TEX11: variants seen among roughly 807,000 people sequenced by gnomAD.
TEX11 encodes the protein testis-expressed protein 11.
TEX11 carries 7 observed loss-of-function variants against 84.4 expected under a neutral mutation model. That is an observed-to-expected ratio of 0.08 (90% CI 0.05 to 0.16). TEX11 has a LOEUF of 0.16. Among genes scored for constraint, TEX11 ranks in the 10% least tolerant of loss-of-function variants. The probability of loss-of-function intolerance (pLI) is 1.00; values close to 1 mark genes in which losing one functional copy is unlikely to be tolerated. For missense variants in TEX11, 551 were observed against 660.5 expected (o/e 0.83, Z 1.82); for synonymous variants, 264 against 222.8 (o/e 1.18, Z -1.64).
intron 16 of TEX11, among the ~76,000 whole-genome samples, chrX:70,668,264 C>T (rs2089993605): frequency 8.9e-6 from 1 of 112,184 alleles, no homozygotes; most frequent in Non-Finnish European, 1.9e-5. Context: ...TTTAGCAAAC[C>T]CAATAAACAT....
At chrX:70,568,811 C>T (rs1360041932) in intron 25 of TEX11, among the ~76,000 whole-genome samples, 4 of 110,686 alleles carry the variant, frequency 3.6e-5, no homozygotes, top group African/African-American at 1.3e-4. Flanking sequence ...GTGGGTAACC[C>T]GACCTTTCTC....
chrX:70,615,923 T>C (rs893302160), intron 20 of TEX11, among the ~76,000 whole-genome samples: 3 of 112,065 alleles, frequency 2.7e-5, no homozygotes, highest in Admixed American at 9.4e-5. Context: ...AATAGTATTA[T>C]CTGGCAAAAA....
At chrX:70,663,363 C>T (rs956903939) in intron 16 of TEX11, among the ~76,000 whole-genome samples, 7 of 111,790 alleles carry the variant, frequency 6.3e-5, no homozygotes, top group Non-Finnish European at 1.3e-4. Context: ...AAATCTCACT[C>T]CTTGTAGGTC....
chrX:70,529,274 C>T lies in TEX11; in HGVS notation c.2686-87G>A, dbSNP rs187106396. On this transcript the variant is annotated intron_variant, in intron 29 of 29. Transcript: ENST00000374333. Reference sequence around the variant, plus strand: ...AGACCCACGGTGATGGCATGAAAGTCTAACCGTTACCTTCGGAGATCTGAA... The same window carrying T: ...AGACCCACGGTGATGGCATGAAAGTTTAACCGTTACCTTCGGAGATCTGAA... 1.4e-5 allele frequency: 9 copies of T among 655,017 alleles called. No homozygotes were observed. The Admixed American group carries it at 1.9e-4, about 14-fold the overall frequency. 54.0% of individuals were successfully genotyped at this position (655,017 alleles called of 1,213,427 possible).
At chrX:70,735,122 G>C (rs1437963027) in intron 11 of TEX11, among the ~76,000 whole-genome samples, 1 of 110,305 alleles carries the variant, frequency 9.1e-6, no homozygotes, top group Non-Finnish European at 1.9e-5. Flanking sequence ...GCACAATCTT[G>C]GCTCACTGCA....
intron 9 of TEX11, among the ~76,000 whole-genome samples, chrX:70,801,448 G>C (rs1455612325): frequency 9.0e-6 from 1 of 111,379 alleles, no homozygotes; most frequent in Non-Finnish European, 1.9e-5. Flanking sequence ...TGGATGCTGA[G>C]GCTAAGGGGT....
Position 70,833,549 on chromosome X carries a change from C to T in TEX11, c.570G>A (p.Leu190=). The stretch of plus-strand genomic sequence containing the variant: ...GCCTCATCAACATATCTTTACATTG[C>T]AGTACACACATAGATGCTCTTTGAA... ...GDFQRASMCV[L]QCKDMLMRLP... Residue 190 remains leucine, a synonymous_variant, in exon 8 of 30, where the codon CTG becomes CTA. Coordinates refer to ENST00000374333, the MANE Select transcript of TEX11 (RefSeq NM_031276.3). 8.3e-7 allele frequency: 1 copy of T among 1,206,715 alleles called. No individual in the cohort carries two copies. Among genetic ancestry groups the T allele is most frequent in the Non-Finnish European group, 1.1e-6 (1 of 893,387 alleles).
At chrX:70,906,619 C>T (rs780915495) in intron 2 of TEX11, among the ~76,000 whole-genome samples, 5 of 110,265 alleles carry the variant, frequency 4.5e-5, no homozygotes, top group Non-Finnish European at 9.5e-5. Flanking sequence ...GAAACCCTGT[C>T]TCTACTAAAT....
intron 14 of TEX11, among the ~76,000 whole-genome samples, chrX:70,679,513 C>T (rs1387451630): frequency 1.9e-5 from 2 of 106,482 alleles, no homozygotes; most frequent in East Asian, 6.2e-4. Context: ...TTCCCGGCCG[C>T]CATCCCATCT....
intron 2 of TEX11, among the ~76,000 whole-genome samples, chrX:70,888,456 T>C (rs2091721526): frequency 8.9e-6 from 1 of 112,243 alleles, no homozygotes; most frequent in Non-Finnish European, 1.9e-5. Context: ...CAGAGTCCTT[T>C]AATAGCAAAA....
chrX:70,592,538 T>C (rs989464954), intron 24 of TEX11, among the ~76,000 whole-genome samples: 5 of 111,645 alleles, frequency 4.5e-5, no homozygotes, highest in Non-Finnish European at 7.5e-5. Flanking sequence ...ATCCCAGGCA[T>C]TGCAAGCTCA....
At chrX:70,569,820 G>C (rs1426658773) in intron 25 of TEX11, among the ~76,000 whole-genome samples, 2 of 111,453 alleles carry the variant, frequency 1.8e-5, no homozygotes, top group African/African-American at 3.3e-5. Flanking sequence ...GCCCCTACTG[G>C]GGGGTGCCTC....
intron 23 of TEX11, 83 bp from the exon 24 acceptor site, chrX:70,605,600 T>A (rs1603133985): frequency 3.2e-6 from 2 of 628,743 alleles, no homozygotes; most frequent in East Asian, 6.9e-5. Context: ...AATCAGCAAC[T>A]TCCTGTTTGA....
intron 24 of TEX11, 81 bp downstream of exon 24, chrX:70,605,320 C>A (rs1232674279): frequency 1.4e-5 from 9 of 621,000 alleles, no homozygotes; most frequent in South Asian, 9.5e-5. Flanking sequence ...TAAAGAGAAT[C>A]AAAAAGAACT....
intron 2 of TEX11, among the ~76,000 whole-genome samples, chrX:70,881,188 C>T (rs1321936814): frequency 4.6e-5 from 5 of 108,266 alleles, no homozygotes; most frequent in East Asian, 5.7e-4. Context: ...ATTAGCTAGG[C>T]GTGGTGTGCC....
chrX:70,840,985 C>T (rs754328760), intron 7 of TEX11, among the ~76,000 whole-genome samples: 1,283 of 110,545 alleles, frequency 0.012, 16 homozygotes, highest in African/African-American at 0.039. Context: ...TAAAGCAAGT[C>T]CTGAGTGACC....
chrX:70,870,278 G>A (rs1328916138), intron 4 of TEX11, among the ~76,000 whole-genome samples: 1 of 111,485 alleles, frequency 9.0e-6, no homozygotes, highest in Non-Finnish European at 1.9e-5. Flanking sequence ...CCATAACATG[G>A]TACGAGAACC....
At chrX:70,577,319 A>G (rs2088688039) in intron 25 of TEX11, among the ~76,000 whole-genome samples, 1 of 112,192 alleles carries the variant, frequency 8.9e-6, no homozygotes, top group African/African-American at 3.2e-5. Flanking sequence ...AAATGTTGCC[A>G]TATGCAGATT....
intron 28 of TEX11, among the ~76,000 whole-genome samples, chrX:70,536,499 A>G (rs1311072983): frequency 1.8e-5 from 2 of 112,160 alleles, no homozygotes; most frequent in African/African-American, 6.5e-5. Context: ...TGTTCTCTTA[A>G]CCACTATGCT....
Sources: allele counts gnomAD v4.1 joint callset (sites outside exome capture counted in the v4.1 genomes callset), GRCh38; gene constraint gnomAD v4.1.1; transcripts MANE v1.5; gene names NCBI Gene and HGNC (gene_info 2026-07-23, HGNC 2026-07-21).